Variants in SGCZ observed in about 807,000 individuals in gnomAD.
SGCZ encodes zeta-sarcoglycan.
In SGCZ, 40 loss-of-function variants were observed where a neutral mutation model predicts 41.3. The observed-to-expected ratio is 0.97, with a 90% CI of 0.75 to 1.26. The LOEUF is 1.26. Ranked by LOEUF, SGCZ falls within the 50% of genes most tolerant of loss-of-function variation. The pLI is 0.00. For missense variants in SGCZ, 552 were observed against 369.8 expected (o/e 1.49, Z -4.04); for synonymous variants, 206 against 137.5 (o/e 1.50, Z -3.49).
chr8:14,248,328 T>G (rs904678758), intron 3 of SGCZ, among the ~76,000 whole-genome samples: 11 of 152,206 alleles, frequency 7.2e-5, no homozygotes, highest in African/African-American at 1.7e-4. Context: ...GATCTTAATT[T>G]ATTAACTACC....
chr8:14,392,131 T>C (rs981744810), intron 2 of SGCZ, among the ~76,000 whole-genome samples: 1 of 152,222 alleles, frequency 6.6e-6, no homozygotes, highest in East Asian at 1.9e-4. Flanking sequence ...AATATAATAT[T>C]TCAGATAAAT....
chr8:14,748,633 C>G (rs991165183), intron 1 of SGCZ, among the ~76,000 whole-genome samples: 1 of 151,886 alleles, frequency 6.6e-6, no homozygotes, highest in Non-Finnish European at 1.5e-5. Flanking sequence ...TTGGAAAAAG[C>G]TAAAAGGGAG....
intron 1 of SGCZ, among the ~76,000 whole-genome samples, chr8:15,215,950 T>C (rs1185293647): frequency 6.6e-6 from 1 of 152,210 alleles, no homozygotes; most frequent in Non-Finnish European, 1.5e-5. Context: ...TGTTTGAATA[T>C]TGGAAGTACA....
At chr8:14,603,369 G>A (rs781160939) in intron 1 of SGCZ, among the ~76,000 whole-genome samples, 16 of 151,958 alleles carry the variant, frequency 1.1e-4, no homozygotes, top group Non-Finnish European at 2.1e-4. Flanking sequence ...GCAAATGATT[G>A]TTGAAAAAAG....
intron 3 of SGCZ, among the ~76,000 whole-genome samples, chr8:14,312,764 T>C (rs1427806731): frequency 6.6e-6 from 1 of 152,144 alleles, no homozygotes; most frequent in Non-Finnish European, 1.5e-5. Flanking sequence ...TCCTATCCAC[T>C]GGAGAGTGGC....
rs575851204 is a variant in SGCZ, at chr8:14,087,713, T to A, written c.*2730A>T. On this transcript the variant is annotated 3_prime_UTR_variant, in exon 8 of 8. Coordinates refer to ENST00000382080, the MANE Select transcript of SGCZ (RefSeq NM_139167.4). ...GTGCAATTAAGGGACCACTATATTTTTAAAAAAAAAAAAATGCTTTTTTGT... is the reference window on the plus strand; with the variant it reads ...GTGCAATTAAGGGACCACTATATTTATAAAAAAAAAAAAATGCTTTTTTGT... Among the ~76,000 whole-genome samples, 732 of 137,352 alleles carry A rather than the reference T, an allele frequency of 5.3e-3. 1 individual carries two copies. The highest frequency in any genetic ancestry group is 6.9e-3 in the African/African-American group (248 of 36,156). The allele number at this position is 137,352 out of a possible 152,430, so 90.1% of individuals were successfully genotyped here.
At chr8:14,616,452 G>C (rs1316869259) in intron 1 of SGCZ, among the ~76,000 whole-genome samples, 2 of 151,924 alleles carry the variant, frequency 1.3e-5, no homozygotes, top group Non-Finnish European at 2.9e-5. Context: ...ATTTTTACTA[G>C]TAGGTTTACA....
chr8:14,497,773 T>A (rs146927043), intron 2 of SGCZ, among the ~76,000 whole-genome samples: 4 of 152,026 alleles, frequency 2.6e-5, no homozygotes, highest in African/African-American at 7.2e-5. Context: ...ACCACCAACA[T>A]TGGGGAACGC....
chr8:14,799,428 G>A (rs1230574470), intron 1 of SGCZ, among the ~76,000 whole-genome samples: 1 of 151,820 alleles, frequency 6.6e-6, no homozygotes, highest in Non-Finnish European at 1.5e-5. Context: ...GTATCTGATG[G>A]AGAGTACATC....
chr8:14,938,627 T>C (rs1047348395), intron 1 of SGCZ, among the ~76,000 whole-genome samples: 1 of 152,122 alleles, frequency 6.6e-6, no homozygotes, highest in Non-Finnish European at 1.5e-5. Flanking sequence ...TAGCTAATTT[T>C]GGGGAAGTTA....
intron 1 of SGCZ, among the ~76,000 whole-genome samples, chr8:15,032,729 G>C (rs1803721193): frequency 6.6e-6 from 1 of 152,050 alleles, no homozygotes; most frequent in Non-Finnish European, 1.5e-5. Flanking sequence ...AACTACCCTT[G>C]GCACTACTTT....
chr8:14,806,571 A>G (rs1176874302), intron 1 of SGCZ, among the ~76,000 whole-genome samples: 5 of 152,244 alleles, frequency 3.3e-5, no homozygotes, highest in East Asian at 1.9e-4. Context: ...ACAGAATCTG[A>G]AAATGTGGCA....
intron 1 of SGCZ, among the ~76,000 whole-genome samples, chr8:15,064,658 T>C (rs1288341482): frequency 6.6e-6 from 1 of 151,812 alleles, no homozygotes; most frequent in Admixed American, 6.5e-5. Flanking sequence ...CTCTCATTCC[T>C]CATAATTGCT....
chr8:14,552,684 G>T (rs545601806), intron 2 of SGCZ, among the ~76,000 whole-genome samples: 2 of 152,144 alleles, frequency 1.3e-5, no homozygotes, highest in African/African-American at 4.8e-5. Context: ...TGAGGATCCT[G>T]AGGACACAGG....
At chr8:14,802,094 G>A (rs1453593020) in intron 1 of SGCZ, among the ~76,000 whole-genome samples, 1 of 152,162 alleles carries the variant, frequency 6.6e-6, no homozygotes. Flanking sequence ...ATGACGGGTT[G>A]CGTTAACTAT....
chr8:14,900,098 G>A (rs17120506), intron 1 of SGCZ, among the ~76,000 whole-genome samples: 7,038 of 151,982 alleles, frequency 0.046, 467 homozygotes, highest in African/African-American at 0.15. Flanking sequence ...AAGCCCCTAC[G>A]GTAATTTTTG....
chr8:15,022,498 C>T (rs921348558), intron 1 of SGCZ, among the ~76,000 whole-genome samples: 2 of 152,130 alleles, frequency 1.3e-5, no homozygotes, highest in African/African-American at 2.4e-5. Context: ...CATGAGCCAC[C>T]GCGCCCAGCT....
intron 1 of SGCZ, among the ~76,000 whole-genome samples, chr8:14,661,120 G>A (rs11996622): frequency 0.077 from 11,736 of 151,950 alleles, 1,514 homozygotes; most frequent in African/African-American, 0.26. Context: ...ATGCATTTAT[G>A]GAAACATCAT....
intron 1 of SGCZ, among the ~76,000 whole-genome samples, chr8:14,598,759 G>A (rs957606231): frequency 1.3e-4 from 19 of 151,764 alleles, no homozygotes; most frequent in Non-Finnish European, 7.4e-5. Context: ...CAAATTTCTG[G>A]GCTTAAGCAA....
Sources: gnomAD v4.1 joint callset for allele counts (sites outside exome capture counted in the v4.1 genomes callset) on GRCh38, gnomAD v4.1.1 for gene constraint, MANE v1.5 for transcripts, NCBI Gene and HGNC (gene_info 2026-07-23, HGNC 2026-07-21) for gene names.